Variants in PCDHGB1 observed in about 807,000 individuals in gnomAD.
PCDHGB1 encodes protocadherin gamma-B1.
A neutral mutation model predicts 56.6 loss-of-function variants in PCDHGB1; 34 were observed. The ratio of observed to expected loss-of-function variants is 0.60; its 90% CI spans 0.46 to 0.80. The LOEUF is 0.80. Among genes scored for constraint, PCDHGB1 ranks in the 30% least tolerant of loss-of-function variants. The pLI, the probability that PCDHGB1 is intolerant of heterozygous loss-of-function variation, is 0.00. For missense variants in PCDHGB1, 1,278 were observed against 1,204.6 expected (o/e 1.06, Z -0.90); for synonymous variants, 561 against 505.9 (o/e 1.11, Z -1.46).
intron 1 of PCDHGB1, chr5:141,399,869 G>A: frequency 1.2e-6 from 2 of 1,612,822 alleles, no homozygotes; most frequent in Non-Finnish European, 8.5e-7. Context: ...GCAGAGCCCG[G>A]CTACCTGGTG....
At chr5:141,374,447 G>C in intron 1 of PCDHGB1, 1 of 1,613,798 alleles carries the variant, frequency 6.2e-7, no homozygotes, top group Non-Finnish European at 8.5e-7. Flanking sequence ...CGTGGAAGTG[G>C]AAATAGTGGA....
At chr5:141,373,509 C>G (rs1444734450) in intron 1 of PCDHGB1, among the ~76,000 whole-genome samples, 1 of 152,152 alleles carries the variant, frequency 6.6e-6, no homozygotes, top group East Asian at 1.9e-4. Flanking sequence ...GGAGACAGAG[C>G]GAGACTTTGT....
chr5:141,475,116 C>G (rs1383017919), intron 1 of PCDHGB1, among the ~76,000 whole-genome samples: 2 of 152,128 alleles, frequency 1.3e-5, no homozygotes, highest in African/African-American at 4.8e-5. Context: ...GTAAATAGGC[C>G]TGGCTTTTTT....
chr5:141,469,595 CAAAAT>C (rs919167679), intron 1 of PCDHGB1, among the ~76,000 whole-genome samples: 3 of 151,998 alleles, frequency 2.0e-5, no homozygotes, highest in Admixed American at 6.6e-5. Context: ...ATAAATAAAA[CAAAAT>C]AAGTAAAATA....
At chr5:141,404,530 A>C in intron 1 of PCDHGB1, 1 of 1,614,008 alleles carries the variant, frequency 6.2e-7, no homozygotes, top group Non-Finnish European at 8.5e-7. Flanking sequence ...AGCAGTTTAG[A>C]GATTTGCAAA....
intron 1 of PCDHGB1, chr5:141,379,057 T>C (rs974258347): frequency 2.0e-5 from 3 of 152,238 alleles, no homozygotes; most frequent in African/African-American, 7.2e-5. Flanking sequence ...TAGAATGGAT[T>C]GGCCACTTGT....
intron 1 of PCDHGB1, chr5:141,409,139 GA>G: frequency 1.9e-6 from 3 of 1,614,012 alleles, no homozygotes; most frequent in Non-Finnish European, 2.5e-6. Context: ...TGAAGATGTA[GA>G]AAGGTACACC....
rs1292277026 is a variant in PCDHGB1 at position 141,489,814 on chromosome 5, CCA to C, written c.2410-4992_2410-4991del. 6 of 1,614,024 alleles carry C rather than the reference CCA, an allele frequency of 3.7e-6. No homozygotes were observed. Among genetic ancestry groups the C allele is most frequent in the Non-Finnish European group, 8.5e-7 (1 of 1,180,004 alleles). ...GACCCTAAAAGATGGGAAGCCATTC[CCA>C]GAGCTGGTGCTAGAGCAGCAGCTGG... On this transcript the variant is annotated intron_variant, in intron 1 of 3. Transcript: ENST00000523390. This position sits in a 1 kb window ranked among gnomAD's most constrained non-coding sequence, Gnocchi z 4.5.
chr5:141,373,242 C>T (rs1241005147), intron 1 of PCDHGB1, among the ~76,000 whole-genome samples: 1 of 152,106 alleles, frequency 6.6e-6, no homozygotes, highest in Non-Finnish European at 1.5e-5. Context: ...TTTTTACTTC[C>T]CTTTGCATGT....
At chr5:141,408,894 C>A (rs778126197) in intron 1 of PCDHGB1, 1 of 1,613,304 alleles carries the variant, frequency 6.2e-7, no homozygotes, top group East Asian at 2.2e-5. Flanking sequence ...ATAGAAATTT[C>A]TGTCAAGGAT....
chr5:141,503,671 A>G (rs1028896082), intron 2 of PCDHGB1, among the ~76,000 whole-genome samples: 2 of 151,950 alleles, frequency 1.3e-5, no homozygotes, highest in Non-Finnish European at 2.9e-5. Flanking sequence ...AACTCTTCCC[A>G]CTTTTGGGAA....
intron 1 of PCDHGB1, chr5:141,385,549 C>G (rs2090279237): frequency 7.6e-7 from 1 of 1,316,048 alleles, no homozygotes; most frequent in Non-Finnish European, 9.7e-7. Context: ...TGGACTATCA[C>G]ATTTTATAAT....
In PCDHGB1 at chr5:141,487,456, G is replaced by A. The variant is rs1041154635; in HGVS notation, c.2410-7351G>A. Reference sequence around the variant, plus strand: ...AGCTAGGGTCAGATGACCCTATCAAGTTTGTTGATGTGGGAGGCCACTCTC... The same window carrying A: ...AGCTAGGGTCAGATGACCCTATCAAATTTGTTGATGTGGGAGGCCACTCTC... On this transcript the variant is annotated intron_variant, in intron 1 of 3. Coordinates refer to ENST00000523390, the MANE Select transcript of PCDHGB1 (RefSeq NM_018922.3). The surrounding 1 kb of genome is among the most constrained non-coding windows in gnomAD (Gnocchi z 5.0). 6.2e-7 allele frequency: 1 copy of A among 1,614,196 alleles called. No individual in the cohort carries two copies. The highest frequency in any genetic ancestry group is 8.5e-7 in the Non-Finnish European group (1 of 1,180,026).
At chr5:141,495,236 A>G (rs2099759742) in intron 2 of PCDHGB1, among the ~76,000 whole-genome samples, 1 of 152,168 alleles carries the variant, frequency 6.6e-6, no homozygotes, top group South Asian at 2.1e-4. Flanking sequence ...GGGCTCCATT[A>G]TGACCTGGGG....
intron 1 of PCDHGB1, chr5:141,393,217 T>C (rs760159490): frequency 1.2e-6 from 2 of 1,613,564 alleles, no homozygotes; most frequent in Admixed American, 3.3e-5. Flanking sequence ...AAATTCCAGG[T>C]CGAAGATCTA....
intron 1 of PCDHGB1, chr5:141,427,980 G>A (rs1398178738): frequency 6.3e-7 from 1 of 1,596,206 alleles, no homozygotes. Context: ...CCCCGCGCTG[G>A]GGCCCGATGG....
At position 141,395,016 on chromosome 5, in the gene PCDHGB1, G is replaced by C. The variant is rs772379480; in HGVS notation, c.2409+42347G>C. The C allele has an allele frequency of 4.3e-6, 7 of 1,613,950 alleles. No homozygotes were observed. In the Admixed American group the frequency reaches 5.0e-5, roughly 12 times the overall value. ...GGATTCCGGTGGCAGATTGGTAGGCGTGCCTGCCTCACATTTTGTGGGTGT... is the reference window on the plus strand; with the variant it reads ...GGATTCCGGTGGCAGATTGGTAGGCCTGCCTGCCTCACATTTTGTGGGTGT... On this transcript the variant is annotated intron_variant, in intron 1 of 3. Coordinates refer to ENST00000523390, the MANE Select transcript of PCDHGB1 (RefSeq NM_018922.3).
rs367914755 is a variant in PCDHGB1 at position 141,399,963 on chromosome 5, C to T, written c.2409+47294C>T. ...TGCTGCAGGCTAGCGAGCCCGGGCT[C>T]TTCAGCCTGGGGCTGCGCACAGGAG... On this transcript the variant is annotated intron_variant, in intron 1 of 3. Transcript: ENST00000523390. 793 of 1,612,310 alleles carry T rather than the reference C, an allele frequency of 4.9e-4. 4 individuals are homozygous for T. Among genetic ancestry groups the T allele is most frequent in the Non-Finnish European group, 3.8e-4 (443 of 1,179,704 alleles).
intron 2 of PCDHGB1, among the ~76,000 whole-genome samples, chr5:141,498,543 C>T (rs2099784198): frequency 6.6e-6 from 1 of 151,870 alleles, no homozygotes; most frequent in South Asian, 2.1e-4. Flanking sequence ...CTGGTCTGGT[C>T]AGACACACCA....
Sources: allele counts gnomAD v4.1 joint callset (sites outside exome capture counted in the v4.1 genomes callset), GRCh38; gene constraint gnomAD v4.1.1; non-coding constraint Gnocchi (gnomAD v3.1); transcripts MANE v1.5; gene names NCBI Gene and HGNC (gene_info 2026-07-23, HGNC 2026-07-21).